Variants in PEPD observed in about 807,000 individuals in gnomAD.
PEPD encodes xaa-Pro dipeptidase.
A neutral mutation model predicts 60.7 loss-of-function variants in PEPD; 53 were observed. The ratio of observed to expected loss-of-function variants is 0.87; its 90% CI spans 0.70 to 1.10. PEPD has a LOEUF of 1.10. Ranked by LOEUF, PEPD falls within the 50% of genes least tolerant of loss-of-function variation. The pLI is 0.00. For missense variants in PEPD, 711 were observed against 711.9 expected, an observed-to-expected ratio of 1.00 and a Z score of 0.01; for synonymous variants, 267 against 284.1, an observed-to-expected ratio of 0.94 and a Z score of 0.60.
intron 9 of PEPD, among the ~76,000 whole-genome samples, chr19:33,453,976 G>A (rs1325793129): frequency 1.3e-5 from 2 of 152,120 alleles, no homozygotes; most frequent in Non-Finnish European, 2.9e-5. Flanking sequence ...TGCCTCACTG[G>A]CTCTGCACCA....
intron 12 of PEPD, 43 bp downstream of exon 12, chr19:33,401,675 CCAA>C (rs1568451909): frequency 6.3e-6 from 10 of 1,574,826 alleles, no homozygotes; most frequent in South Asian, 1.2e-5. Context: ...AGCAGCGCCC[CCAA>C]CGCCACGTCA....
At chr19:33,468,265 C>A (rs1042902447) in intron 7 of PEPD, among the ~76,000 whole-genome samples, 1 of 152,228 alleles carries the variant, frequency 6.6e-6, no homozygotes, top group Non-Finnish European at 1.5e-5. Context: ...CAAAGGCCCA[C>A]CCGTGACTCT....
In PEPD at chr19:33,473,645, G is replaced by A. The variant is rs534792212; in HGVS notation, c.548+4401C>T. On this transcript the variant is annotated intron_variant, in intron 7 of 14. Transcript: ENST00000244137. The stretch of plus-strand genomic sequence containing the variant: ...CGAAACCCAAGGCACTGAGCTATCA[G>A]GTGGTATGAAAGCATCTCCTTTTAT... 3.9e-5 allele frequency among the ~76,000 whole-genome samples: 6 copies of A among 152,324 alleles called. No homozygotes were observed. The South Asian group carries it at 1.2e-3, about 32-fold the overall frequency.
chr19:33,451,119 C>T (rs1281783602), intron 9 of PEPD, among the ~76,000 whole-genome samples: 1 of 152,220 alleles, frequency 6.6e-6, no homozygotes, highest in Non-Finnish European at 1.5e-5. Flanking sequence ...GGGGTAGTCA[C>T]GGAGCTGTCA....
rs6510386 is a variant in PEPD at position 33,462,837 on chromosome 19, A to G, written c.671+158T>C. On this transcript the variant is annotated intron_variant, in intron 9 of 14. Coordinates refer to ENST00000244137, the MANE Select transcript of PEPD (RefSeq NM_000285.4). Reference sequence around the variant, plus strand: ...AAGAGCCAGGGAGGCGGGCGCAGTCAGAAGAAAAATAATCTTTGCTTGTGA... The same window carrying G: ...AAGAGCCAGGGAGGCGGGCGCAGTCGGAAGAAAAATAATCTTTGCTTGTGA... The G allele has an allele frequency of 0.37, 265,851 of 718,164 alleles. 51,591 individuals carry two copies. Among genetic ancestry groups the G allele is most frequent in the African/African-American group, 0.57 (32,940 of 57,334 alleles). 44.5% of individuals were successfully genotyped at this position (718,164 alleles called of 1,614,324 possible).
chr19:33,419,204 G>A (rs556701193), intron 9 of PEPD, among the ~76,000 whole-genome samples: 2 of 152,232 alleles, frequency 1.3e-5, no homozygotes, highest in East Asian at 3.9e-4. Flanking sequence ...TCTCCATGTG[G>A]GCAAGCAGAT....
At chr19:33,403,136 C>T (rs1046288022) in intron 11 of PEPD, among the ~76,000 whole-genome samples, 5 of 152,150 alleles carry the variant, frequency 3.3e-5, no homozygotes, top group Admixed American at 2.6e-4. Context: ...GCTGAGGGGG[C>T]GGAGGGGCGC....
intron 7 of PEPD, among the ~76,000 whole-genome samples, chr19:33,476,722 GGC>G (rs1970221623): frequency 6.6e-6 from 1 of 151,986 alleles, no homozygotes; most frequent in Non-Finnish European, 1.5e-5. Context: ...GGAGTACAGT[GGC>G]GTGATCTCAG....
At chr19:33,463,190 C>T in intron 8 of PEPD, 149 bp from the exon 9 acceptor site, 1 of 703,592 alleles carries the variant, frequency 1.4e-6, no homozygotes, top group Non-Finnish European at 2.6e-6. Context: ...AGACATGTGA[C>T]AAATTAGAAC....
chr19:33,519,791 C>T (rs1280138411), intron 1 of PEPD, among the ~76,000 whole-genome samples: 1 of 152,136 alleles, frequency 6.6e-6, no homozygotes, highest in African/African-American at 2.4e-5. Context: ...TGGGGCCAGG[C>T]GTGGTGGCTC....
chr19:33,412,666 T>C (rs1296574674), intron 10 of PEPD, among the ~76,000 whole-genome samples: 1 of 152,222 alleles, frequency 6.6e-6, no homozygotes, highest in Non-Finnish European at 1.5e-5. Context: ...TTGGGAATCA[T>C]AAAAGTAGAA....
chr19:33,403,526 A>C (rs1276245002), intron 11 of PEPD, among the ~76,000 whole-genome samples: 1 of 152,038 alleles, frequency 6.6e-6, no homozygotes, highest in Non-Finnish European at 1.5e-5. Context: ...CCACTCCACA[A>C]ACATTCCAGA....
At chr19:33,453,449 A>G (rs1051582735) in intron 9 of PEPD, among the ~76,000 whole-genome samples, 3 of 152,198 alleles carry the variant, frequency 2.0e-5, no homozygotes, top group Non-Finnish European at 2.9e-5. Context: ...TTCTTTTTTT[A>G]GAAATTGAAG....
rs1555762504 is a variant in PEPD, at chr19:33,453,317, A to AAAAAAAAAAAAAT, written c.671+9677_671+9678insATTTTTTTTTTTT. 8.2e-4 allele frequency among the ~76,000 whole-genome samples: 122 copies of AAAAAAAAAAAAAT among 148,744 alleles called. 2 individuals carry two copies. The highest frequency in any genetic ancestry group is 8.5e-4 in the Non-Finnish European group (57 of 67,256). ...CAGTAGAGCAAAACACTGTCATAAAAAAATAAATAAATAAATAAATAAATA... is the reference window on the plus strand; with the variant it reads ...CAGTAGAGCAAAACACTGTCATAAAAAAAAAAAAAAAATAAATAAATAAATAAATAAATAAATA... On this transcript the variant is annotated intron_variant, in intron 9 of 14. Coordinates refer to ENST00000244137, the MANE Select transcript of PEPD (RefSeq NM_000285.4).
chr19:33,393,490 T>C (rs1388497846), intron 12 of PEPD, among the ~76,000 whole-genome samples: 1 of 147,920 alleles, frequency 6.8e-6, no homozygotes, highest in Non-Finnish European at 1.5e-5. Flanking sequence ...CTCCCCCGCC[T>C]CCGTGAGCCT....
chr19:33,399,092 G>A (rs961859945), intron 12 of PEPD, among the ~76,000 whole-genome samples: 3 of 152,084 alleles, frequency 2.0e-5, no homozygotes, highest in African/African-American at 4.8e-5. Flanking sequence ...CAAGCGATTC[G>A]ATTCTCGTGC....
chr19:33,431,020 G>A (rs997121245), intron 9 of PEPD, among the ~76,000 whole-genome samples: 2 of 152,150 alleles, frequency 1.3e-5, no homozygotes, highest in Admixed American at 1.3e-4. Flanking sequence ...GGCTGAGGCA[G>A]GAGGACTGCT....
chr19:33,424,736 G>T (rs532985091), intron 9 of PEPD, among the ~76,000 whole-genome samples: 3 of 152,264 alleles, frequency 2.0e-5, no homozygotes, highest in African/African-American at 7.2e-5. Context: ...AGGAAAAGAG[G>T]TTTAATGGAC....
intron 12 of PEPD, among the ~76,000 whole-genome samples, chr19:33,391,964 T>G (rs1272882787): frequency 1.3e-5 from 2 of 152,132 alleles, no homozygotes; most frequent in African/African-American, 2.4e-5. Context: ...GCTGCTGTGG[T>G]GCAGTGGGGA....
Sources: gnomAD v4.1 joint callset for allele counts (sites outside exome capture counted in the v4.1 genomes callset) on GRCh38, gnomAD v4.1.1 for gene constraint, MANE v1.5 for transcripts, NCBI Gene and HGNC (gene_info 2026-07-23, HGNC 2026-07-21) for gene names.